TCF12: variants seen among roughly 807,000 people sequenced by gnomAD.
TCF12 encodes the protein DNA-binding protein HTF4.
Under a neutral mutation model 86.0 loss-of-function variants are expected in TCF12, and 45 were observed. The observed-to-expected ratio is 0.52, with a 90% CI of 0.41 to 0.67. The LOEUF (loss-of-function observed/expected upper bound fraction) is 0.67, where lower values mean the gene tolerates loss of function less well. TCF12 is among the 30% of genes least tolerant of loss of function. TCF12 has a pLI of 0.00. For synonymous variants in TCF12, 330 were observed against 299.6 expected, an observed-to-expected ratio of 1.10 and a Z score of -1.05; for missense variants, 881 against 859.9, an observed-to-expected ratio of 1.02 and a Z score of -0.31.
chr15:57,075,795 T>TC (rs1491447812), intron 4 of TCF12, among the ~76,000 whole-genome samples: 38 of 60,806 alleles, frequency 6.2e-4, no homozygotes, highest in Middle Eastern at 8.8e-3. Flanking sequence ...TCTTTCTTTC[T>TC]TTCTTTCTTT....
At chr15:57,110,636 C>T (rs1162526963) in intron 5 of TCF12, among the ~76,000 whole-genome samples, 1 of 152,174 alleles carries the variant, frequency 6.6e-6, no homozygotes, top group Non-Finnish European at 1.5e-5. Flanking sequence ...AAGGCTGCTG[C>T]TTTCTGTCTA....
intron 3 of TCF12, among the ~76,000 whole-genome samples, chr15:57,059,613 T>C (rs1374089976): frequency 6.6e-6 from 1 of 152,064 alleles, no homozygotes; most frequent in Non-Finnish European, 1.5e-5. Context: ...GGTTTGTTCC[T>C]AATTCTTCCC....
chr15:57,106,229 A>C (rs1276354232), intron 5 of TCF12, among the ~76,000 whole-genome samples: 1 of 152,244 alleles, frequency 6.6e-6, no homozygotes, highest in African/African-American at 2.4e-5. Context: ...TTACATAGGT[A>C]GAAAAAATAG....
rs1270167553 is a variant in TCF12 at position 56,983,636 on chromosome 15, G to T, written c.148+62538G>T. ...TTGAAAAATACTAATATGCATTTCA[G>T]TTCAGGTCAGGTTTTACCGTCAAAT... is the stretch of plus-strand genomic sequence containing the variant. On this transcript the variant is annotated intron_variant, in intron 3 of 20. Coordinates refer to ENST00000333725, the MANE Select transcript of TCF12 (RefSeq NM_207037.2). Among the ~76,000 whole-genome samples the T allele has an allele frequency of 2.0e-5, 3 of 152,130 alleles. No homozygotes were observed. The East Asian group carries it at 5.8e-4, about 29-fold the overall frequency.
chr15:57,273,425 A>G (rs1010640272), intron 19 of TCF12, among the ~76,000 whole-genome samples, 163 bp downstream of exon 19: 4 of 151,914 alleles, frequency 2.6e-5, no homozygotes, highest in East Asian at 1.9e-4. Context: ...CTTCTGTCTC[A>G]CTGTATCACC....
intron 8 of TCF12, among the ~76,000 whole-genome samples, chr15:57,225,486 C>G (rs1456980286): frequency 4.6e-5 from 7 of 151,996 alleles, no homozygotes; most frequent in African/African-American, 1.7e-4. Context: ...ACCTCATGAT[C>G]CACCCGCCTC....
rs374039463 is a variant in TCF12, at chr15:57,281,271, C to T, written c.1979-1174C>T. Among the ~76,000 whole-genome samples the T allele has an allele frequency of 1.1e-4, 17 of 152,116 alleles. 1 individual carries two copies. Among genetic ancestry groups the T allele is most frequent in the Admixed American group, 7.2e-4 (11 of 15,280 alleles). On this transcript the variant is annotated intron_variant, in intron 19 of 20. Coordinates refer to ENST00000333725, the MANE Select transcript of TCF12 (RefSeq NM_207037.2). ...GCCCGTGTCACAGATCCCACGCAGT[C>T]TTGTTTGCTATCTTTTATAAGAAGC...
At chr15:56,998,614 C>T (rs976565243) in intron 3 of TCF12, among the ~76,000 whole-genome samples, 5 of 152,014 alleles carry the variant, frequency 3.3e-5, no homozygotes, top group Admixed American at 1.3e-4. Flanking sequence ...AAATTCTTTT[C>T]TTAGGAATAG....
At chr15:56,984,249 G>GGGGTGTGT (rs1272890475) in intron 3 of TCF12, among the ~76,000 whole-genome samples, 1 of 122,988 alleles carries the variant, frequency 8.1e-6, no homozygotes, top group East Asian at 2.4e-4. Context: ...GCATGTGCAT[G>GGGGTGTGT]GTGTGTGTGT....
rs2060674362 is a variant in TCF12, at chr15:57,263,266, C to T, written c.1737C>T (p.Gly579=). 1 of 1,608,592 alleles carries T rather than the reference C, an allele frequency of 6.2e-7. No individual in the cohort carries two copies. The highest frequency in any genetic ancestry group is 8.5e-7 in the Non-Finnish European group (1 of 1,178,802). The change falls in exon 18 of 21, where the codon GGC becomes GGT. Residue 579 remains glycine, a synonymous_variant. Transcript: ENST00000333725. ...SQKDIKVSSR[G]RTSSTNEDED... ...AAGATATCAAGGTTTCATCTAGAGG[C>T]AGAACAAGGTATTTGTTAGCATCCA...
In TCF12 at chr15:57,195,929, A is replaced by G. The variant is rs368501691; in HGVS notation, c.527-1844A>G. On this transcript the variant is annotated intron_variant, in intron 7 of 20. Coordinates refer to ENST00000333725, the MANE Select transcript of TCF12 (RefSeq NM_207037.2). ...CAAGGCAGGGGAATTGCTTGAGCCC[A>G]GGAATTCAAGGCTGCAGTGAGCTGT... Among the ~76,000 whole-genome samples the G allele has an allele frequency of 3.1e-3, 467 of 152,344 alleles. 2 individuals carry two copies. Among genetic ancestry groups the G allele is most frequent in the African/African-American group, 0.011 (448 of 41,578 alleles).
intron 3 of TCF12, among the ~76,000 whole-genome samples, chr15:56,993,640 CGAT>C (rs1388427970): frequency 6.6e-6 from 1 of 152,104 alleles, no homozygotes; most frequent in South Asian, 2.1e-4. Context: ...GCTAACCATT[CGAT>C]GATACAAAAG....
At chr15:57,242,313 T>C (rs1279348182) in intron 12 of TCF12, among the ~76,000 whole-genome samples, 6 of 152,178 alleles carry the variant, frequency 3.9e-5, no homozygotes, top group Non-Finnish European at 8.8e-5. Context: ...ATGATTATTA[T>C]GCATATTAAA....
Position 57,091,835 on chromosome 15 carries a change from G to A in TCF12, c.269G>A (p.Arg90Gln), listed in dbSNP as rs905170132. 3.7e-6 allele frequency: 6 copies of A among 1,613,718 alleles called. No individual in the cohort carries two copies. Among genetic ancestry groups the A allele is most frequent in the Middle Eastern group, 1.6e-4 (1 of 6,080 alleles). ...PHYSDHLNDS[R>Q]LGAHEGLSPT... ...TACAGTGATCACTTGAATGACAGTC[G>A]ATTAGGAGCCCATGAAGGCTTGTCC... is the stretch of plus-strand genomic sequence containing the variant. The change falls in exon 5 of 21, where the codon CGA (arginine) becomes CAA (glutamine). Residue 90 changes from arginine to glutamine, a missense_variant. Coordinates refer to ENST00000333725, the MANE Select transcript of TCF12 (RefSeq NM_207037.2).
intron 3 of TCF12, among the ~76,000 whole-genome samples, chr15:57,048,212 G>A (rs2067360242): frequency 6.6e-6 from 1 of 152,094 alleles, no homozygotes; most frequent in Admixed American, 6.6e-5. Flanking sequence ...TCATAAGCCA[G>A]CACTCATATT....
intron 5 of TCF12, among the ~76,000 whole-genome samples, chr15:57,110,014 TTAA>T (rs1369763123): frequency 7.0e-6 from 1 of 141,938 alleles, no homozygotes; most frequent in Non-Finnish European, 1.6e-5. Context: ...TGTAGATCAT[TTAA>T]TGTCGTAGGA....
chr15:56,964,955 A>G (rs186980020), intron 3 of TCF12, among the ~76,000 whole-genome samples: 17 of 152,342 alleles, frequency 1.1e-4, no homozygotes, highest in Non-Finnish European at 2.5e-4. Context: ...TCCCAGAGCC[A>G]GTGATAATTT....
At chr15:57,253,145 A>G (rs1243795268) in intron 15 of TCF12, 117 bp from the exon 16 acceptor site, 4 of 1,096,846 alleles carry the variant, frequency 3.6e-6, no homozygotes, top group Non-Finnish European at 5.3e-6. Context: ...TTTTGAAGCT[A>G]CTTGATACTG....
intron 16 of TCF12, among the ~76,000 whole-genome samples, chr15:57,259,488 T>C (rs1377076737): frequency 6.6e-6 from 1 of 152,248 alleles, no homozygotes; most frequent in East Asian, 1.9e-4. Flanking sequence ...TTAACATTTT[T>C]CCATTGTGAA....
Sources: allele counts gnomAD v4.1 joint callset (sites outside exome capture counted in the v4.1 genomes callset), GRCh38; gene constraint gnomAD v4.1.1; transcripts MANE v1.5; gene names NCBI Gene and HGNC (gene_info 2026-07-23, HGNC 2026-07-21).